Variants in FAM171B observed in about 807,000 individuals in gnomAD.
FAM171B encodes family with sequence similarity 171 member B.
Under a neutral mutation model 75.6 loss-of-function variants are expected in FAM171B, and 19 were observed. The observed-to-expected ratio is 0.25, with a 90% CI of 0.18 to 0.37. The LOEUF is 0.37. Among genes scored for constraint, FAM171B ranks in the 10% least tolerant of loss-of-function variants. The probability of loss-of-function intolerance (pLI) is 1.00; values close to 1 mark genes in which losing one functional copy is unlikely to be tolerated. For missense variants in FAM171B, 848 were observed against 982.4 expected (o/e 0.86, Z 1.83); for synonymous variants, 367 against 361.7 (o/e 1.01, Z -0.17).
At chr2:186,751,102 A>T in intron 4 of FAM171B, 32 bp from the exon 5 acceptor site, 5 of 1,522,934 alleles carry the variant, frequency 3.3e-6, no homozygotes, top group Non-Finnish European at 4.5e-6. Flanking sequence ...CTCTGTTTAC[A>T]TATGATTTTA....
At chr2:186,760,493 G>C (rs1690598599) in intron 6 of FAM171B, among the ~76,000 whole-genome samples, 1 of 152,076 alleles carries the variant, frequency 6.6e-6, no homozygotes. Flanking sequence ...CAAAGCTCAA[G>C]TTAGTTAAAA....
chr2:186,747,245 A>T lies in FAM171B; in HGVS notation c.719A>T (p.Lys240Ile). 2 of 1,580,142 alleles carry T rather than the reference A, an allele frequency of 1.3e-6. No individual in the cohort carries two copies. The highest frequency in any genetic ancestry group is 1.7e-6 in the Non-Finnish European group (2 of 1,168,060). Residue 240 changes from lysine (K) to isoleucine (I), a missense_variant, in exon 4 of 8, where the codon AAA becomes ATA. Coordinates refer to ENST00000304698, the MANE Select transcript of FAM171B (RefSeq NM_177454.4). The part of the protein sequence containing the change: ...FLHTTGITLN[K>I]PGFENIELTP... Reference sequence around the variant, plus strand: ...CATACAACTGGAATTACTCTCAATAAACCAGGTATTATCTACTTTTTGTAT... The same window carrying T: ...CATACAACTGGAATTACTCTCAATATACCAGGTATTATCTACTTTTTGTAT...
At chr2:186,754,080 T>C (rs773896536) in intron 6 of FAM171B, 31 bp downstream of exon 6, 3 of 1,504,876 alleles carry the variant, frequency 2.0e-6, no homozygotes, top group South Asian at 2.4e-5. Context: ...AATTAAAACA[T>C]GTAATTCAAA....
intron 5 of FAM171B, among the ~76,000 whole-genome samples, chr2:186,752,874 A>G (rs1174660486): frequency 6.6e-6 from 1 of 152,238 alleles, no homozygotes; most frequent in African/African-American, 2.4e-5. Flanking sequence ...ATTTATAAAT[A>G]AAACTTCATA....
intron 1 of FAM171B, among the ~76,000 whole-genome samples, chr2:186,725,015 C>G (rs1690009535): frequency 6.6e-6 from 1 of 152,198 alleles, no homozygotes; most frequent in Admixed American, 6.5e-5. Context: ...ACATATTCTT[C>G]TTAACCTCTT....
At chr2:186,742,159 G>A (rs1690298565) in intron 2 of FAM171B, among the ~76,000 whole-genome samples, 1 of 152,090 alleles carries the variant, frequency 6.6e-6, no homozygotes, top group Non-Finnish European at 1.5e-5. Context: ...TGGTGGTGTT[G>A]CAGTGATCAT....
At chr2:186,696,425 C>T (rs553703018) in intron 1 of FAM171B, among the ~76,000 whole-genome samples, 33 of 146,848 alleles carry the variant, frequency 2.2e-4, no homozygotes, top group African/African-American at 8.1e-4. Flanking sequence ...TGTTTCCCTA[C>T]TGTCTGTTCT....
chr2:186,712,044 G>A (rs1201841936), intron 1 of FAM171B, among the ~76,000 whole-genome samples: 10 of 152,128 alleles, frequency 6.6e-5, no homozygotes, highest in East Asian at 1.9e-4. Flanking sequence ...ATTTTATGTC[G>A]CAGAATGCCT....
Position 186,747,166 on chromosome 2 carries a change from G to A in FAM171B, c.640G>A (p.Val214Ile), listed in dbSNP as rs907374321. ...KLPDNHHISN[V>I]TGYLTVLQQF... ...TCCTGACAACCATCATATTAGCAAC[G>A]TTACTGGCTATCTTACAGTTCTACA... The change falls in exon 4 of 8, where the codon GTT becomes ATT. Residue 214 changes from valine to isoleucine, a missense_variant. By Grantham distance (29) the Val-to-Ile change is conservative (BLOSUM62 3). Coordinates refer to ENST00000304698, the MANE Select transcript of FAM171B (RefSeq NM_177454.4). 2.5e-5 allele frequency: 40 copies of A among 1,607,794 alleles called. No homozygotes were observed. The highest frequency in any genetic ancestry group is 3.1e-5 in the Non-Finnish European group (36 of 1,177,414).
intron 1 of FAM171B, among the ~76,000 whole-genome samples, chr2:186,702,939 A>T (rs1195084957): frequency 6.6e-6 from 1 of 152,120 alleles, no homozygotes; most frequent in African/African-American, 2.4e-5. Flanking sequence ...CTATATCATC[A>T]TAATTTAGGG....
intron 1 of FAM171B, among the ~76,000 whole-genome samples, chr2:186,726,448 A>C (rs1690034486): frequency 6.6e-6 from 1 of 152,130 alleles, no homozygotes; most frequent in Non-Finnish European, 1.5e-5. Flanking sequence ...TGCAGAGAGT[A>C]AACTGATTAA....
At chr2:186,739,483 T>G (rs1690255441) in intron 1 of FAM171B, among the ~76,000 whole-genome samples, 1 of 152,098 alleles carries the variant, frequency 6.6e-6, no homozygotes, top group Admixed American at 6.6e-5. Flanking sequence ...TTTTAAAAAT[T>G]TTTTACTTTT....
chr2:186,736,772 C>T (rs573199509), intron 1 of FAM171B, among the ~76,000 whole-genome samples: 1 of 149,864 alleles, frequency 6.7e-6, no homozygotes, highest in South Asian at 2.1e-4. Context: ...ATTTAAGGTC[C>T]AGTTTAACAA....
chr2:186,727,200 C>A (rs1690047090), intron 1 of FAM171B, among the ~76,000 whole-genome samples: 1 of 152,028 alleles, frequency 6.6e-6, no homozygotes, highest in South Asian at 2.1e-4. Context: ...AGAAGATGCA[C>A]AGAAAAGGAA....
At chr2:186,757,023 G>A (rs1414830772) in intron 6 of FAM171B, among the ~76,000 whole-genome samples, 1 of 152,150 alleles carries the variant, frequency 6.6e-6, no homozygotes, top group African/African-American at 2.4e-5. Context: ...CTGGCCCATG[G>A]ATGTGTTCAT....
chr2:186,728,415 T>C (rs1690065960), intron 1 of FAM171B, among the ~76,000 whole-genome samples: 1 of 152,212 alleles, frequency 6.6e-6, no homozygotes, highest in South Asian at 2.1e-4. Context: ...TTGCTGTCTG[T>C]ATCCCCAATC....
intron 1 of FAM171B, among the ~76,000 whole-genome samples, chr2:186,734,405 T>C (rs2105783523): frequency 6.6e-6 from 1 of 152,100 alleles, no homozygotes; most frequent in Non-Finnish European, 1.5e-5. Context: ...TTCTATCTGC[T>C]GGTAGGTCGT....
Position 186,694,287 on chromosome 2 carries a change from C to T in FAM171B, c.114C>T (p.Asp38=). Residue 38 remains aspartate (D), a synonymous_variant, in exon 1 of 8, where the codon GAC becomes GAT. Transcript: ENST00000304698. ...AAARAELSRS[D]LSLIQQQQQQ... ...CCAGAGCGGAACTCAGCCGCTCCGACCTCAGCCTCATCCAACAGCAGCAGC... is the reference window on the plus strand; with the variant it reads ...CCAGAGCGGAACTCAGCCGCTCCGATCTCAGCCTCATCCAACAGCAGCAGC... 8 of 1,609,712 alleles carry T rather than the reference C, an allele frequency of 5.0e-6. No homozygotes were observed. The highest frequency in any genetic ancestry group is 6.8e-6 in the Non-Finnish European group (8 of 1,178,986).
rs976512028 is a variant in FAM171B at position 186,764,253 on chromosome 2, T to C, written c.*1430T>C. 4 of 151,980 alleles carry C rather than the reference T, an allele frequency of 2.6e-5. No individual in the cohort carries two copies. The highest frequency in any genetic ancestry group is 7.2e-5 in the African/African-American group (3 of 41,426). The allele number at this position is 151,980 out of a possible 1,614,324, so 9.4% of individuals were successfully genotyped here. ...GGGAGCAGCATAGAGACCCAAACCA[T>C]GTAAACAAGTTCAGTGAACCAAAAC... On this transcript the variant is annotated 3_prime_UTR_variant, in exon 8 of 8. Transcript: ENST00000304698.
Sources: allele counts gnomAD v4.1 joint callset (sites outside exome capture counted in the v4.1 genomes callset), GRCh38; gene constraint gnomAD v4.1.1; transcripts MANE v1.5; gene names NCBI Gene and HGNC (gene_info 2026-07-23, HGNC 2026-07-21).